Variants in RET observed in about 807,000 individuals in gnomAD.
RET encodes proto-oncogene tyrosine-protein kinase receptor Ret.
RET carries 19 observed loss-of-function variants against 118.3 expected under a neutral mutation model. The observed-to-expected ratio is 0.16, with a 90% CI of 0.11 to 0.24. The LOEUF (loss-of-function observed/expected upper bound fraction) is 0.24. Among genes scored for constraint, RET ranks in the 10% least tolerant of loss-of-function variants. The pLI is 1.00. For synonymous variants in RET, 597 were observed against 644.1 expected (o/e 0.93, Z 1.11); for missense variants, 1,219 against 1,502.1 (o/e 0.81, Z 3.12).
chr10:43,104,869 C>G, intron 3 of RET, 83 bp from the exon 4 acceptor site: 1 of 1,506,956 alleles, frequency 6.6e-7, no homozygotes, highest in Non-Finnish European at 8.8e-7. Flanking sequence ...CCCGCTCTGA[C>G]CGCAGAGCCC....
rs1232090564 is a variant in RET at position 43,114,747 on chromosome 10, C to T, written c.2136+11C>T. 2.5e-6 allele frequency: 4 copies of T among 1,603,988 alleles called. No homozygotes were observed. Among genetic ancestry groups the T allele is most frequent in the Admixed American group, 3.4e-5 (2 of 59,400 alleles). The stretch of plus-strand genomic sequence containing the variant: ...GCCTTCAAGATCCTGGTGAGGGTCC[C>T]TGCGGGGCAGGGAAGATCCCCTGCC... On this transcript the variant is annotated intron_variant, in intron 11 of 19. Coordinates refer to ENST00000355710, the MANE Select transcript of RET (RefSeq NM_020975.6). The surrounding 1 kb of genome is among the most constrained non-coding windows in gnomAD (Gnocchi z 4.6).
chr10:43,099,716 C>T (rs1463962757), intron 1 of RET, among the ~76,000 whole-genome samples: 1 of 152,218 alleles, frequency 6.6e-6, no homozygotes, highest in Non-Finnish European at 1.5e-5. Flanking sequence ...CACACCCCCG[C>T]CTGCCACAGG....
chr10:43,112,645 G>A (rs539164630), intron 8 of RET, among the ~76,000 whole-genome samples: 89 of 152,278 alleles, frequency 5.8e-4, no homozygotes, highest in South Asian at 1.4e-3. Flanking sequence ...TTGCTGTAAG[G>A]GCCACCTGTG....
chr10:43,077,255 G>C lies in RET; in HGVS notation c.-4G>C. The C allele has an allele frequency of 6.7e-7, 1 of 1,503,170 alleles. No homozygotes were observed. Among genetic ancestry groups the C allele is most frequent in the Non-Finnish European group, 8.8e-7 (1 of 1,131,630 alleles). The allele number at this position is 1,503,170 out of a possible 1,614,324, so 93.1% of individuals were successfully genotyped here. On this transcript the variant is annotated 5_prime_UTR_variant, in exon 1 of 20. Transcript: ENST00000355710. ...TCCAGCCGTGGCCCCAGCGCGCACG[G>C]GCGATGGCGAAGGCGACGTCCGGTG...
At chr10:43,128,079 A>G in intron 19 of RET, 33 bp from the exon 20 acceptor site, 1 of 1,613,592 alleles carries the variant, frequency 6.2e-7, no homozygotes. Context: ...TTGGTTCTTC[A>G]GTGCAGAACA....
chr10:43,081,936 G>A (rs1190858542), intron 1 of RET, among the ~76,000 whole-genome samples: 1 of 152,192 alleles, frequency 6.6e-6, no homozygotes, highest in Non-Finnish European at 1.5e-5. Flanking sequence ...CAGCCCCTGA[G>A]GTCCTGCTTT....
chr10:43,122,061 C>A (rs1246406151), intron 16 of RET, 45 bp downstream of exon 16: 7 of 1,487,702 alleles, frequency 4.7e-6, no homozygotes, highest in Admixed American at 1.7e-5. Context: ...TACAGAAACA[C>A]CCTTATACAT....
intron 1 of RET, among the ~76,000 whole-genome samples, chr10:43,092,999 G>A (rs768089047): frequency 1.3e-5 from 2 of 152,136 alleles, no homozygotes; most frequent in Non-Finnish European, 2.9e-5. Flanking sequence ...TCACACTCCT[G>A]TTTATGAAAC....
intron 3 of RET, chr10:43,104,690 C>A (rs1837717563): frequency 1.0e-5 from 6 of 599,740 alleles, no homozygotes; most frequent in South Asian, 5.9e-5. Context: ...TGGCTCTTCC[C>A]AACCAGCACG....
intron 17 of RET, 122 bp from the exon 18 acceptor site, chr10:43,124,761 G>T: frequency 1.1e-6 from 1 of 942,932 alleles, no homozygotes; most frequent in Non-Finnish European, 1.7e-6. Context: ...AAATAGCTTT[G>T]GAGTTGGAGA....
rs146646971 is a variant in RET, at chr10:43,114,598, G to T, written c.1998G>T (p.Lys666Asn). ...ACTGCTACCACAAGTTTGCCCACAAGCCACCCATCTCCTCAGCTGAGATGA... is the reference window on the plus strand; with the variant it reads ...ACTGCTACCACAAGTTTGCCCACAATCCACCCATCTCCTCAGCTGAGATGA... ...CIHCYHKFAH[K>N]PPISSAEMTF... Residue 666 changes from lysine (K) to asparagine (N), a missense_variant, in exon 11 of 20, where the codon AAG becomes AAT. Lys to Asn is a moderately conservative substitution (Grantham distance 94). Around this residue, in one of 5 missense-constraint regions of RET, gnomAD observed 850 missense variants for 969.6 expected, o/e 0.88. Coordinates refer to ENST00000355710, the MANE Select transcript of RET (RefSeq NM_020975.6). This position sits in a 1 kb window ranked among gnomAD's most constrained non-coding sequence, Gnocchi z 4.6. The T allele has an allele frequency of 1.4e-5, 23 of 1,612,836 alleles. No homozygotes were observed. The highest frequency in any genetic ancestry group is 1.9e-5 in the Non-Finnish European group (23 of 1,179,998).
chr10:43,107,048 A>G (rs1319429273), intron 5 of RET, among the ~76,000 whole-genome samples: 1 of 152,198 alleles, frequency 6.6e-6, no homozygotes, highest in Non-Finnish European at 1.5e-5. Flanking sequence ...GACTGCTGAC[A>G]TGCCACCATG....
At chr10:43,084,148 C>T (rs554912801) in intron 1 of RET, among the ~76,000 whole-genome samples, 2 of 152,338 alleles carry the variant, frequency 1.3e-5, no homozygotes, top group African/African-American at 4.8e-5. Flanking sequence ...GGGTGCTTTC[C>T]ACCTTTTGGC....
At chr10:43,117,930 G>A (rs962086782) in intron 12 of RET, among the ~76,000 whole-genome samples, 2 of 152,210 alleles carry the variant, frequency 1.3e-5, no homozygotes, top group East Asian at 1.9e-4. Flanking sequence ...AGACAGGAGC[G>A]GGAAATGGGG....
chr10:43,124,726 A>G (rs1263574278), intron 17 of RET, among the ~76,000 whole-genome samples, 157 bp from the exon 18 acceptor site: 1 of 152,196 alleles, frequency 6.6e-6, no homozygotes, highest in Admixed American at 6.5e-5. Context: ...CAGTCCCACG[A>G]GGCTCAGAGA....
At position 43,128,604 on chromosome 10, in the gene RET, T is replaced by C; in HGVS notation, c.*335T>C. The C allele has an allele frequency of 2.2e-6, 1 of 453,506 alleles. No homozygotes were observed. The highest frequency in any genetic ancestry group is 3.5e-5 in the Admixed American group (1 of 28,218). The allele number at this position is 453,506 out of a possible 1,614,324, so 28.1% of individuals were successfully genotyped here. A position where few individuals can be genotyped will look rare whatever the true frequency, so the allele number is the denominator to read the frequency against. On this transcript the variant is annotated 3_prime_UTR_variant, in exon 20 of 20. Coordinates refer to ENST00000355710, the MANE Select transcript of RET (RefSeq NM_020975.6). ...GTGTTCACATGTGTGGGTCCAACAC[T>C]TACTACCTGGTGTATGAAATTGGAC... is the stretch of plus-strand genomic sequence containing the variant.
chr10:43,119,874 C>A, intron 14 of RET, 129 bp downstream of exon 14: 1 of 1,250,782 alleles, frequency 8.0e-7, no homozygotes, highest in Non-Finnish European at 1.1e-6. Context: ...CATGCCCCTG[C>A]CATGGCATGC....
chr10:43,117,264 T>C (rs1588875893), intron 12 of RET, among the ~76,000 whole-genome samples: 1 of 152,196 alleles, frequency 6.6e-6, no homozygotes. Flanking sequence ...TGAATGGCGG[T>C]GAGGGAGAGT....
intron 1 of RET, among the ~76,000 whole-genome samples, chr10:43,083,386 G>A (rs1837226884): frequency 1.3e-5 from 2 of 152,238 alleles, no homozygotes; most frequent in South Asian, 4.1e-4. Context: ...AGTCTCAGGG[G>A]CTTAACGCCA....
Sources: gnomAD v4.1 joint callset for allele counts (sites outside exome capture counted in the v4.1 genomes callset) on GRCh38, gnomAD v4.1.1 for gene constraint, gnomAD v4.1.1 regional missense constraint, Gnocchi (gnomAD v3.1) non-coding constraint, MANE v1.5 for transcripts, NCBI Gene and HGNC (gene_info 2026-07-23, HGNC 2026-07-21) for gene names.